IFT140: variants seen among roughly 807,000 people sequenced by gnomAD.
IFT140 encodes intraflagellar transport 140.
Under a neutral mutation model 164.6 loss-of-function variants are expected in IFT140, and 133 were observed. That is an observed-to-expected ratio of 0.81 (90% confidence interval 0.70 to 0.93). The LOEUF (loss-of-function observed/expected upper bound fraction) is 0.93. IFT140 is among the 40% of genes least tolerant of loss of function. IFT140 has a pLI of 0.00. For synonymous variants in IFT140, 860 were observed against 817.3 expected (o/e 1.05, Z -0.89); for missense variants, 2,045 against 1,972.3 (o/e 1.04, Z -0.70).
At chr16:1,512,027 C>T (rs1426157852) in intron 30 of IFT140, among the ~76,000 whole-genome samples, 2 of 148,304 alleles carry the variant, frequency 1.3e-5, no homozygotes, top group African/African-American at 2.5e-5. Flanking sequence ...GGGCCTGGTG[C>T]GTGTGACTGC....
In IFT140 at chr16:1,602,482, G is replaced by A. The variant is rs1159315989; in HGVS notation, c.257C>T (p.Thr86Met). 7 of 1,614,020 alleles carry A rather than the reference G, an allele frequency of 4.3e-6. No homozygotes were observed. The highest frequency in any genetic ancestry group is 5.9e-6 in the Non-Finnish European group (7 of 1,180,044). The change falls in exon 4 of 31, where the codon ACG becomes ATG. Residue 86 changes from threonine (T) to methionine (M), a missense_variant. By Grantham distance (81) the Thr-to-Met change is moderately conservative. Transcript: ENST00000426508. ...LAVGWETGEV[T>M]VFNKQDKEQH... ...CTCCTTGTCCTGCTTGTTAAACACC[G>A]TCACTTCTCCAGTCTCCCAGCCCAC...
intron 29 of IFT140, 101 bp from the exon 30 acceptor site, chr16:1,518,458 A>G: frequency 1.7e-6 from 2 of 1,189,452 alleles, no homozygotes; most frequent in Non-Finnish European, 2.3e-6. Flanking sequence ...GCTCTCCGGA[A>G]TGGCAGGAGG....
At chr16:1,526,563 C>G in intron 20 of IFT140, 56 bp downstream of exon 20, 1 of 1,426,104 alleles carries the variant, frequency 7.0e-7, no homozygotes, top group Non-Finnish European at 9.2e-7. Context: ...CCCAGGGGGC[C>G]GTGGCTGTGG....
At chr16:1,534,368 G>C (rs1567340325) in intron 19 of IFT140, 2 of 1,612,890 alleles carry the variant, frequency 1.2e-6, no homozygotes, top group Non-Finnish European at 1.7e-6. Context: ...CCAACTGGGT[G>C]TGCCAGACGC....
Position 1,510,560 on chromosome 16 carries a change from T to G in IFT140, c.*384A>C. On this transcript the variant is annotated 3_prime_UTR_variant, in exon 31 of 31. Coordinates refer to ENST00000426508, the MANE Select transcript of IFT140 (RefSeq NM_014714.4). ...AGGAGCCGTGGGCCCTGCAGGAGTA[T>G]GGGGAGGATATGATGTGTGGGGAGC... 6.5e-6 allele frequency: 2 copies of G among 306,258 alleles called. No homozygotes were observed. The highest frequency in any genetic ancestry group is 6.1e-6 in the Non-Finnish European group (1 of 162,720). 19.0% of individuals were successfully genotyped at this position (306,258 alleles called of 1,614,324 possible).
Position 1,589,620 on chromosome 16 carries a change from T to C in IFT140, c.795A>G (p.Ala265=), listed in dbSNP as rs766570048. The C allele has an allele frequency of 6.2e-7, 1 of 1,614,034 alleles. No homozygotes were observed. The highest frequency in any genetic ancestry group is 1.1e-5 in the South Asian group (1 of 91,074). Residue 265 remains alanine, a synonymous_variant, in exon 7 of 31, where the codon GCA becomes GCG. Coordinates refer to ENST00000426508, the MANE Select transcript of IFT140 (RefSeq NM_014714.4). ...TCCCACTCACCTTCATCACTTCTTCTGCTTTGCCCTCAGGAGGCACCGTGT... is the reference window on the plus strand; with the variant it reads ...TCCCACTCACCTTCATCACTTCTTCCGCTTTGCCCTCAGGAGGCACCGTGT... ...SLYTVPPEGK[A]EEVMKVKLSG... is the part of the protein sequence containing the mutation.
At chr16:1,593,188 T>C (rs1042524934) in intron 4 of IFT140, among the ~76,000 whole-genome samples, 3 of 152,252 alleles carry the variant, frequency 2.0e-5, no homozygotes, top group Non-Finnish European at 2.9e-5. Flanking sequence ...CTACTGTGTA[T>C]ACACGATGAA....
intron 19 of IFT140, chr16:1,555,064 A>C: frequency 6.3e-7 from 1 of 1,576,368 alleles, no homozygotes; most frequent in Non-Finnish European, 8.6e-7. Context: ...CACACCTGCT[A>C]TCGTGGAACA....
chr16:1,552,240 T>C (rs1054804068), intron 19 of IFT140, among the ~76,000 whole-genome samples: 1 of 152,112 alleles, frequency 6.6e-6, no homozygotes, highest in Non-Finnish European at 1.5e-5. Context: ...TTACTGCCGG[T>C]ATAACCTCCT....
At chr16:1,552,264 G>T (rs897014616) in intron 19 of IFT140, among the ~76,000 whole-genome samples, 1 of 152,228 alleles carries the variant, frequency 6.6e-6, no homozygotes, top group African/African-American at 2.4e-5. Context: ...GCCCTCGAGG[G>T]TCTCAGGGCT....
intron 30 of IFT140, among the ~76,000 whole-genome samples, chr16:1,511,458 G>A (rs1452544067): frequency 2.0e-5 from 3 of 152,246 alleles, no homozygotes; most frequent in Non-Finnish European, 2.9e-5. Context: ...CCTGCTCACC[G>A]TGCGTGTGCG....
Position 1,534,187 on chromosome 16 carries a change from C to T in IFT140, c.2400-7391G>A, listed in dbSNP as rs2030809134. ...AGGATGAGTGGTGATGTCCTCTAGC[C>T]ACCCCTAGCAGCGTCGGCTCTCCCT... On this transcript the variant is annotated intron_variant, in intron 19 of 30. Coordinates refer to ENST00000426508, the MANE Select transcript of IFT140 (RefSeq NM_014714.4). 6 of 1,541,166 alleles carry T rather than the reference C, an allele frequency of 3.9e-6. No homozygotes were observed. In the Admixed American group the frequency reaches 1.2e-4, roughly 31 times the overall value.
intron 10 of IFT140, among the ~76,000 whole-genome samples, chr16:1,585,774 T>TA: frequency 6.9e-6 from 1 of 145,802 alleles, no homozygotes; most frequent in East Asian, 2.0e-4. Context: ...TTCTTTTTTT[T>TA]TTTTTTTTTT....
chr16:1,519,857 TCCC>T, intron 29 of IFT140, 21 bp downstream of exon 29: 1 of 1,517,214 alleles, frequency 6.6e-7, no homozygotes, highest in Non-Finnish European at 8.8e-7. Flanking sequence ...CCCTGGCCTG[TCCC>T]CGCTGGCCCC....
chr16:1,568,110 C>T (rs1266419321), intron 15 of IFT140, 107 bp downstream of exon 15: 3 of 760,880 alleles, frequency 3.9e-6, no homozygotes, highest in East Asian at 2.7e-5. Context: ...GAACACAGGA[C>T]AGGAAGACTT....
In IFT140 at chr16:1,593,837, C is replaced by T. The variant is rs531064426; in HGVS notation, c.370-1249G>A. Among the ~76,000 whole-genome samples the T allele has an allele frequency of 1.3e-4, 20 of 152,224 alleles. 1 individual carries two copies. In the South Asian group the frequency reaches 3.5e-3, roughly 27 times the overall value. On this transcript the variant is annotated intron_variant, in intron 4 of 30. Coordinates refer to ENST00000426508, the MANE Select transcript of IFT140 (RefSeq NM_014714.4). ...TCTCCACTGTGAAGCAGCTCTTCCC[C>T]GGATCCCCCTCCATCCCGTACTGTT...
At chr16:1,526,179 G>T in intron 20 of IFT140, 102 bp from the exon 21 acceptor site, 1 of 1,123,910 alleles carries the variant, frequency 8.9e-7, no homozygotes, top group Non-Finnish European at 1.3e-6. Context: ...TTCCCACACC[G>T]CCAAGCACAC....
At chr16:1,580,901 G>T in intron 12 of IFT140, 51 bp from the exon 13 acceptor site, 3 of 1,290,556 alleles carry the variant, frequency 2.3e-6, no homozygotes, top group Non-Finnish European at 2.3e-6. Context: ...CGCCAGACTT[G>T]CTGGGAGTTT....
At chr16:1,518,388 C>T (rs377239472) in intron 29 of IFT140, 31 bp from the exon 30 acceptor site, 17 of 1,598,670 alleles carry the variant, frequency 1.1e-5, no homozygotes, top group East Asian at 4.5e-5. Flanking sequence ...GCCTGGGCCC[C>T]GAAGCCCTGA....
Sources: allele counts gnomAD v4.1 joint callset (sites outside exome capture counted in the v4.1 genomes callset), GRCh38; gene constraint gnomAD v4.1.1; transcripts MANE v1.5; gene names NCBI Gene and HGNC (gene_info 2026-07-23, HGNC 2026-07-21).